NCOA2: variants seen among roughly 807,000 people sequenced by gnomAD.
The protein encoded by NCOA2 is nuclear receptor coactivator 2, also known as class E basic helix-loop-helix protein 75.
In NCOA2, 21 loss-of-function variants were observed where a neutral mutation model predicts 145.1. The observed-to-expected ratio is 0.14, with a 90% CI of 0.10 to 0.21. The LOEUF (loss-of-function observed/expected upper bound fraction) is 0.21, where lower values mean the gene tolerates loss of function less well. NCOA2 is among the 10% of genes least tolerant of loss of function. The pLI is 1.00. For synonymous variants in NCOA2, 619 were observed against 637.5 expected, an observed-to-expected ratio of 0.97 and a Z score of 0.44; for missense variants, 1,472 against 1,837.6, an observed-to-expected ratio of 0.80 and a Z score of 3.64.
chr8:70,171,459 A>G lies in NCOA2; in HGVS notation c.364-1080T>C, dbSNP rs529547819. On this transcript the variant is annotated intron_variant, in intron 5 of 22. Transcript: ENST00000452400. Reference sequence around the variant, plus strand: ...TTCATTCACCCCTAATCCACTTCCCATCATGTTTACCTTGGTGATGGAAAT... The same window carrying G: ...TTCATTCACCCCTAATCCACTTCCCGTCATGTTTACCTTGGTGATGGAAAT... Among the ~76,000 whole-genome samples, 6 of 152,174 alleles carry G rather than the reference A, an allele frequency of 3.9e-5. No homozygotes were observed. The East Asian group carries it at 1.2e-3, about 29-fold the overall frequency.
chr8:70,314,910 A>G (rs1399625190), intron 1 of NCOA2, among the ~76,000 whole-genome samples: 1 of 152,222 alleles, frequency 6.6e-6, no homozygotes, highest in Non-Finnish European at 1.5e-5. Context: ...GCAGGAAGGC[A>G]GAAATGATAA....
intron 4 of NCOA2, among the ~76,000 whole-genome samples, chr8:70,205,995 C>T (rs566941959): frequency 1.3e-5 from 2 of 152,210 alleles, no homozygotes; most frequent in Admixed American, 6.5e-5. Context: ...ATTCACCTCC[C>T]CCACCCTCTG....
chr8:70,293,490 T>G (rs1169655044), intron 2 of NCOA2, among the ~76,000 whole-genome samples: 1 of 152,232 alleles, frequency 6.6e-6, no homozygotes, highest in Admixed American at 6.5e-5. Flanking sequence ...GAAGTATATA[T>G]TGTGTTTTAT....
intron 11 of NCOA2, among the ~76,000 whole-genome samples, chr8:70,155,022 T>C (rs947267027): frequency 6.6e-6 from 1 of 152,258 alleles, no homozygotes; most frequent in African/African-American, 2.4e-5. Flanking sequence ...AAACAACATG[T>C]TGTATACCAT....
At chr8:70,444,537 A>T in the NCOA2 span, among the ~76,000 whole-genome samples, 11 of 152,328 alleles carry the variant, frequency 7.2e-5, no homozygotes, top group African/African-American at 2.6e-4. Context: ...AAAACAGAAT[A>T]AGATTGCTGG....
At chr8:70,404,789 C>T (rs537040288), upstream of NCOA2, among the ~76,000 whole-genome samples, 2 of 152,080 alleles carry the variant, frequency 1.3e-5, no homozygotes, top group African/African-American at 4.8e-5. Flanking sequence ...ACTGAAAATG[C>T]GAGAACCCCC....
the NCOA2 span, among the ~76,000 whole-genome samples, chr8:70,419,388 G>A: frequency 2.8e-4 from 43 of 151,856 alleles, no homozygotes; most frequent in Non-Finnish European, 5.5e-4. Flanking sequence ...TAAGTACTAT[G>A]CTATTATGCA....
At chr8:70,424,273 T>A in the NCOA2 span, 1 of 386,270 alleles carries the variant, frequency 2.6e-6, no homozygotes, top group East Asian at 7.1e-5. Flanking sequence ...GAGCTTGTTA[T>A]CCAGATCATT....
At position 70,144,838 on chromosome 8, in the gene NCOA2, G is replaced by T. The variant is rs1810844989; in HGVS notation, c.2616C>A (p.Asn872Lys). The change falls in exon 13 of 23, where the codon AAC (asparagine) becomes AAA (lysine). Residue 872 changes from asparagine to lysine, a missense_variant. Asn to Lys is a moderately conservative substitution (Grantham distance 94). This residue lies in a region of NCOA2 where 953 missense variants were observed against 1,062.1 expected (regional missense o/e 0.90). Coordinates refer to ENST00000452400, the MANE Select transcript of NCOA2 (RefSeq NM_006540.4). ...ALRISQSTFN[N>K]PRPGQLGRLL... ...ACCTGCCCAGTTGCCCTGGTCGTGG[G>T]TTATTAAAAGCTAAGGAGAAAACAA... is the stretch of plus-strand genomic sequence containing the variant. The T allele has an allele frequency of 6.2e-7, 1 of 1,613,810 alleles. No homozygotes were observed. The highest frequency in any genetic ancestry group is 8.5e-7 in the Non-Finnish European group (1 of 1,179,762).
intron 1 of NCOA2, among the ~76,000 whole-genome samples, chr8:70,362,208 G>A (rs1299530827): frequency 6.6e-6 from 1 of 152,070 alleles, no homozygotes; most frequent in East Asian, 1.9e-4. Context: ...ATATAGAAAG[G>A]CCAAGTCAAA....
At chr8:70,326,429 TCACACACACACACACACACACGTGCA>T (rs1391844077) in intron 1 of NCOA2, among the ~76,000 whole-genome samples, 4 of 149,140 alleles carry the variant, frequency 2.7e-5, no homozygotes, top group Admixed American at 2.0e-4. Flanking sequence ...TTTCTCTCTC[TCACACACACACACACACACACGTGCA>T]CACACACACA....
At chr8:70,310,835 A>G (rs1379097576) in intron 1 of NCOA2, among the ~76,000 whole-genome samples, 2 of 152,348 alleles carry the variant, frequency 1.3e-5, no homozygotes, top group East Asian at 3.9e-4. Context: ...TATCATCCTC[A>G]GGGCTCTAAA....
At chr8:70,126,425 T>G (rs1405240853) in intron 19 of NCOA2, among the ~76,000 whole-genome samples, 1 of 152,236 alleles carries the variant, frequency 6.6e-6, no homozygotes, top group Non-Finnish European at 1.5e-5. Flanking sequence ...ACATTTTGTA[T>G]CTATTGATTT....
the NCOA2 span, among the ~76,000 whole-genome samples, chr8:70,409,410 G>T: frequency 2.6e-5 from 4 of 152,278 alleles, no homozygotes; most frequent in Non-Finnish European, 1.5e-5. Context: ...CAAACTTATA[G>T]TCAATGAATT....
intron 1 of NCOA2, among the ~76,000 whole-genome samples, chr8:70,314,503 T>C (rs1025980413): frequency 1.3e-5 from 2 of 152,184 alleles, no homozygotes; most frequent in African/African-American, 4.8e-5. Flanking sequence ...AATTCCATGA[T>C]GTAATAAGCC....
At position 70,194,458 on chromosome 8, in the gene NCOA2, GTTGTTT is replaced by G. The variant is rs1817042371; in HGVS notation, c.259+19439_259+19444del. ...GAGAGAACACCTTAACAAGGCCAGT[GTTGTTT>G]ATCTAGAGGTTACATCGCACAAGTG... is the stretch of plus-strand genomic sequence containing the variant. On this transcript the variant is annotated intron_variant, in intron 4 of 22. Transcript: ENST00000452400. Among the ~76,000 whole-genome samples, 5 of 152,256 alleles carry G rather than the reference GTTGTTT, an allele frequency of 3.3e-5. No homozygotes were observed. The South Asian group carries it at 1.0e-3, about 32-fold the overall frequency.
intron 2 of NCOA2, among the ~76,000 whole-genome samples, chr8:70,259,701 T>G (rs1823949932): frequency 6.6e-6 from 1 of 152,206 alleles, no homozygotes; most frequent in Non-Finnish European, 1.5e-5. Context: ...CTTAGACACT[T>G]AACCTCAAAC....
chr8:70,261,550 C>A (rs1824136425), intron 2 of NCOA2, among the ~76,000 whole-genome samples: 1 of 151,830 alleles, frequency 6.6e-6, no homozygotes, highest in South Asian at 2.1e-4. Context: ...ATGTAAGTAA[C>A]CTGCACATTG....
the NCOA2 span, among the ~76,000 whole-genome samples, chr8:70,429,366 T>G: frequency 6.6e-6 from 1 of 152,218 alleles, no homozygotes; most frequent in African/African-American, 2.4e-5. Context: ...TTCAATTAAG[T>G]GGAGCTACTT....
Sources: gnomAD v4.1 joint callset for allele counts (sites outside exome capture counted in the v4.1 genomes callset) on GRCh38, gnomAD v4.1.1 for gene constraint, gnomAD v4.1.1 regional missense constraint, MANE v1.5 for transcripts, NCBI Gene and HGNC (gene_info 2026-07-23, HGNC 2026-07-21) for gene names.